ANKRD11: variants seen among roughly 807,000 people sequenced by gnomAD.
ANKRD11 encodes the protein ankyrin repeat domain 11.
Under a neutral mutation model 195.7 loss-of-function variants are expected in ANKRD11, and 17 were observed. That is an observed-to-expected ratio of 0.09 (90% CI 0.06 to 0.13). The LOEUF is 0.13. Ranked by LOEUF, ANKRD11 falls within the 10% of genes least tolerant of loss-of-function variation. ANKRD11 has a pLI of 1.00. For synonymous variants in ANKRD11, 1,953 were observed against 1,528.1 expected, an observed-to-expected ratio of 1.28 and a Z score of -6.49; for missense variants, 3,735 against 3,566.1, an observed-to-expected ratio of 1.05 and a Z score of -1.21.
At chr16:89,338,754 C>T (rs905239103) in intron 2 of ANKRD11, among the ~76,000 whole-genome samples, 22 of 130,416 alleles carry the variant, frequency 1.7e-4, no homozygotes, top group African/African-American at 6.1e-4. Context: ...AAAAAAAGAG[C>T]GAGCTTTTGT....
chr16:89,366,129 C>CA (rs71387689), intron 2 of ANKRD11, among the ~76,000 whole-genome samples: 5,003 of 59,882 alleles, frequency 0.084, 244 homozygotes, highest in East Asian at 0.22. Context: ...GACTCCATCT[C>CA]AAAAAAAAAA....
At chr16:89,288,817 A>T in intron 6 of ANKRD11, 147 bp from the exon 7 acceptor site, 1 of 1,103,156 alleles carries the variant, frequency 9.1e-7, no homozygotes, top group Non-Finnish European at 1.3e-6. Context: ...TTAGGGAAGC[A>T]GGTGCTGGCC....
At chr16:89,458,382 G>T (rs991040385) in intron 1 of ANKRD11, among the ~76,000 whole-genome samples, 4 of 151,940 alleles carry the variant, frequency 2.6e-5, no homozygotes, top group Non-Finnish European at 5.9e-5. Flanking sequence ...CCGCCACCAC[G>T]CCCGGCTAAT....
intron 2 of ANKRD11, among the ~76,000 whole-genome samples, chr16:89,329,343 G>T (rs2037924388): frequency 6.6e-6 from 1 of 152,184 alleles, no homozygotes; most frequent in South Asian, 2.1e-4. Flanking sequence ...AGGGCACAAG[G>T]GATGCTGCTA....
chr16:89,345,606 T>C (rs951981676), intron 2 of ANKRD11, among the ~76,000 whole-genome samples: 1 of 152,162 alleles, frequency 6.6e-6, no homozygotes, highest in Non-Finnish European at 1.5e-5. Flanking sequence ...TACAGCGGCA[T>C]AAACAGGCTA....
intron 2 of ANKRD11, among the ~76,000 whole-genome samples, chr16:89,347,060 G>A (rs960390223): frequency 6.6e-6 from 1 of 152,184 alleles, no homozygotes; most frequent in African/African-American, 2.4e-5. Flanking sequence ...TGGGCGAAAG[G>A]CCAGCTAAAG....
chr16:89,281,219 C>G lies in ANKRD11; in HGVS notation c.5323G>C (p.Ala1775Pro), dbSNP rs559618415. 1.2e-5 allele frequency: 19 copies of G among 1,613,988 alleles called. No individual in the cohort carries two copies. Among genetic ancestry groups the G allele is most frequent in the Non-Finnish European group, 1.5e-5 (18 of 1,180,028 alleles). ...AGAGGCCTGGCAGGAGCCTGGCTGGCGTTTTCCGAAAGCCCACTTGAAGCC... is the reference window on the plus strand; with the variant it reads ...AGAGGCCTGGCAGGAGCCTGGCTGGGGTTTTCCGAAAGCCCACTTGAAGCC... ...SVASSGLSEN[A>P]SQAPARPLST... The change falls in exon 9 of 13, where the codon GCC (alanine) becomes CCC (proline). Residue 1775 changes from alanine (A) to proline (P), a missense_variant. By Grantham distance (27) the Ala-to-Pro change is conservative. Transcript: ENST00000301030. The surrounding 1 kb of genome is among the most constrained non-coding windows in gnomAD (Gnocchi z 5.5).
At chr16:89,421,832 CT>C (rs1485473337) in intron 1 of ANKRD11, among the ~76,000 whole-genome samples, 1 of 152,120 alleles carries the variant, frequency 6.6e-6, no homozygotes, top group Admixed American at 6.5e-5. Context: ...GACAGGACCA[CT>C]GCCCATCCAT....
chr16:89,337,736 G>C (rs779483434), intron 2 of ANKRD11, among the ~76,000 whole-genome samples: 2 of 152,096 alleles, frequency 1.3e-5, no homozygotes, highest in Admixed American at 6.5e-5. Flanking sequence ...CACTGTGCCC[G>C]GCCTGGTCTA....
At chr16:89,488,807 A>C (rs2057706317) in intron 1 of ANKRD11, among the ~76,000 whole-genome samples, 1 of 152,204 alleles carries the variant, frequency 6.6e-6, no homozygotes. Flanking sequence ...TATTGCTCTA[A>C]TGACTGCATA....
chr16:89,389,593 G>A (rs1310114705), intron 2 of ANKRD11, among the ~76,000 whole-genome samples: 1 of 152,162 alleles, frequency 6.6e-6, no homozygotes, highest in Non-Finnish European at 1.5e-5. Context: ...TGTGTGAGAC[G>A]AAAATCACAC....
Position 89,471,782 on chromosome 16 carries a change from C to CAA in ANKRD11, c.-145+18461_-145+18462dup, listed in dbSNP as rs56391654. Among the ~76,000 whole-genome samples the CAA allele has an allele frequency of 4.4e-3, 234 of 53,482 alleles. 24 individuals carry two copies. Among genetic ancestry groups the CAA allele is most frequent in the African/African-American group, 0.015 (182 of 12,500 alleles). The allele number at this position is 53,482 out of a possible 152,430, so 35.1% of individuals were successfully genotyped here. A position where few individuals can be genotyped will look rare whatever the true frequency, so the allele number is the denominator to read the frequency against. On this transcript the variant is annotated intron_variant, in intron 1 of 12. Coordinates refer to ENST00000301030, the MANE Select transcript of ANKRD11 (RefSeq NM_013275.6). ...CCTGGGCGACAGTGAGACTCTGTCTCAAAAAAAAAAAAAAAAAAAAAAAAA... is the reference window on the plus strand; with the variant it reads ...CCTGGGCGACAGTGAGACTCTGTCTCAAAAAAAAAAAAAAAAAAAAAAAAAAA...
chr16:89,291,075 G>A lies in ANKRD11; in HGVS notation c.335C>T (p.Ser112Phe). ...GAGAAGGGCCACCTGCTGGCGCTCG[G>A]AGAGGGGGTAGCCGGCTCGGATTCC... is the stretch of plus-strand genomic sequence containing the variant. ...LSGIRAGYPL[S>F]ERQQVALLMQ... Residue 112 changes from serine (S) to phenylalanine (F), a missense_variant, in exon 5 of 13, where the codon TCC becomes TTC. Physicochemically the swap from Ser to Phe is radical, Grantham distance 155 (BLOSUM62 -2). Coordinates refer to ENST00000301030, the MANE Select transcript of ANKRD11 (RefSeq NM_013275.6). This position sits in a 1 kb window ranked among gnomAD's most constrained non-coding sequence, Gnocchi z 5.3. The A allele has an allele frequency of 6.2e-7, 1 of 1,613,594 alleles. No individual in the cohort carries two copies.
At chr16:89,295,736 G>T (rs997507853) in intron 4 of ANKRD11, among the ~76,000 whole-genome samples, 1 of 151,590 alleles carries the variant, frequency 6.6e-6, no homozygotes, top group African/African-American at 2.4e-5. Flanking sequence ...GTGGGATGGG[G>T]GGGATGTGAC....
At chr16:89,298,281 G>A (rs545755933) in intron 4 of ANKRD11, 1 of 152,402 alleles carries the variant, frequency 6.6e-6, no homozygotes. Flanking sequence ...AGCATCGTGG[G>A]TATTTTAAAA....
chr16:89,320,930 C>A (rs1174494333), intron 2 of ANKRD11, among the ~76,000 whole-genome samples: 1 of 152,210 alleles, frequency 6.6e-6, no homozygotes, highest in East Asian at 1.9e-4. Context: ...GCAGGACAGA[C>A]GTGACAGGAA....
chr16:89,480,195 G>A (rs1469039450), intron 1 of ANKRD11, among the ~76,000 whole-genome samples: 1 of 151,768 alleles, frequency 6.6e-6, no homozygotes, highest in Non-Finnish European at 1.5e-5. Context: ...CTAACTTTTA[G>A]GCCAGGCGTG....
chr16:89,389,179 T>C (rs952242798), intron 2 of ANKRD11, among the ~76,000 whole-genome samples: 1 of 151,822 alleles, frequency 6.6e-6, no homozygotes, highest in Non-Finnish European at 1.5e-5. Context: ...CCACTACGTC[T>C]GGCTAATTTT....
At chr16:89,293,585 C>G (rs1222930430) in intron 4 of ANKRD11, among the ~76,000 whole-genome samples, 1 of 101,456 alleles carries the variant, frequency 9.9e-6, no homozygotes, top group African/African-American at 3.8e-5. Context: ...GAGGGAGGAG[C>G]TGGGGCAGAG....
Sources: gnomAD v4.1 joint callset for allele counts (sites outside exome capture counted in the v4.1 genomes callset) on GRCh38, gnomAD v4.1.1 for gene constraint, Gnocchi (gnomAD v3.1) non-coding constraint, MANE v1.5 for transcripts, NCBI Gene and HGNC (gene_info 2026-07-23, HGNC 2026-07-21) for gene names.